The following NAT8L variants were observed in gnomAD, a reference collection of about 807,000 sequenced individuals.
The protein encoded by NAT8L is N-acetylaspartate synthetase.
In NAT8L, 6 loss-of-function variants were observed where a neutral mutation model predicts 21.2. The ratio of observed to expected loss-of-function variants is 0.28; its 90% CI spans 0.16 to 0.56. NAT8L has a LOEUF of 0.56. Among genes scored for constraint, NAT8L ranks in the 20% least tolerant of loss-of-function variants. The probability of loss-of-function intolerance (pLI) is 0.93; values close to 1 mark genes in which losing one functional copy is unlikely to be tolerated. For missense variants in NAT8L, 331 were observed against 433.3 expected, an observed-to-expected ratio of 0.76 and a Z score of 2.10; for synonymous variants, 239 against 204.9, an observed-to-expected ratio of 1.17 and a Z score of -1.42.
Position 2,065,168 on chromosome 4 carries a change from G to C in NAT8L, c.*1041G>C, listed in dbSNP as rs1729972614. 1.3e-5 allele frequency: 2 copies of C among 152,538 alleles called. No individual in the cohort carries two copies. The highest frequency in any genetic ancestry group is 2.9e-5 in the Non-Finnish European group (2 of 68,110). 9.4% of individuals were successfully genotyped at this position (152,538 alleles called of 1,614,324 possible). ...TTTCTGGCCCAGTGTGATGGGGGTG[G>C]GTGGCCGGGTGGGTGGAGCGTTTTG... is the stretch of plus-strand genomic sequence containing the variant. On this transcript the variant is annotated 3_prime_UTR_variant, in exon 3 of 3. Coordinates refer to ENST00000423729, the MANE Select transcript of NAT8L (RefSeq NM_178557.4).
In NAT8L at chr4:2,063,780, G is replaced by A. The variant is rs775990289; in HGVS notation, c.562G>A (p.Val188Met). 101 of 1,611,818 alleles carry A rather than the reference G, an allele frequency of 6.3e-5. No homozygotes were observed. The highest frequency in any genetic ancestry group is 1.1e-4 in the East Asian group (5 of 44,898). ...TGCAGGCTCCTGCTTCTGGGTGGCC[G>A]TGCTGGATGGCAACGTGGTGGGCAT... ...KPPGSCFWVA[V>M]LDGNVVGIVA... is the part of the protein sequence containing the mutation. Residue 188 changes from valine (V) to methionine (M), a missense_variant, in exon 3 of 3, where the codon GTG becomes ATG. Transcript: ENST00000423729.
In NAT8L at chr4:2,059,595, G is replaced by T; in HGVS notation, c.84G>T (p.Lys28Asn). The part of the protein sequence containing the change: ...EDHEALPGAK[K>N]DALLAAAGAM... ...ATGAGGCGCTGCCGGGGGCCAAGAA[G>T]GACGCGCTGCTCGCCGCCGCCGGCG... The change falls in exon 1 of 3, where the codon AAG (lysine) becomes AAT (asparagine). Residue 28 changes from lysine to asparagine, a missense_variant. Coordinates refer to ENST00000423729, the MANE Select transcript of NAT8L (RefSeq NM_178557.4). The surrounding 1 kb of genome is among the most constrained non-coding windows in gnomAD (Gnocchi z 4.8). 7.1e-6 allele frequency: 7 copies of T among 982,458 alleles called. No homozygotes were observed. The highest frequency in any genetic ancestry group is 8.4e-6 in the Non-Finnish European group (7 of 828,914). The allele number at this position is 982,458 out of a possible 1,614,324, so 60.9% of individuals were successfully genotyped here.
Position 2,059,391 on chromosome 4 carries a change from C to CCG in NAT8L, c.-121_-120insCG. ...GCCCCTGAGCTGCCGCCGCCGCCGC[C>CCG]GCCGCTGCCGCCGCCGCCGCCGCCG... is the stretch of plus-strand genomic sequence containing the variant. On this transcript the variant is annotated 5_prime_UTR_variant, in exon 1 of 3. Transcript: ENST00000423729. The surrounding 1 kb of genome is among the most constrained non-coding windows in gnomAD (Gnocchi z 4.8). 1 of 219,930 alleles carries CCG rather than the reference C, an allele frequency of 4.5e-6. No homozygotes were observed. 13.6% of individuals were successfully genotyped at this position (219,930 alleles called of 1,614,324 possible).
At position 2,059,796 on chromosome 4, in the gene NAT8L, C is replaced by A; in HGVS notation, c.285C>A (p.Phe95Leu). 1 of 1,383,042 alleles carries A rather than the reference C, an allele frequency of 7.2e-7. No homozygotes were observed. The highest frequency in any genetic ancestry group is 9.4e-7 in the Non-Finnish European group (1 of 1,058,464). 85.7% of individuals were successfully genotyped at this position (1,383,042 alleles called of 1,614,324 possible). A position where few individuals can be genotyped will look rare whatever the true frequency, so the allele number is the denominator to read the frequency against. The change falls in exon 1 of 3, where the codon TTC becomes TTA. Residue 95 changes from phenylalanine to leucine, a missense_variant. Around this residue, in one of 2 missense-constraint regions of NAT8L, gnomAD observed 199 missense variants for 196.1 expected, o/e 1.01. Transcript: ENST00000423729. The surrounding 1 kb of genome is among the most constrained non-coding windows in gnomAD (Gnocchi z 4.8). Reference protein sequence around the residue: ...AAEQEAARRIFYDGIMERIPN... With the variant: ...AAEQEAARRILYDGIMERIPN... ...AGCAGGAGGCGGCGCGCCGCATCTT[C>A]TACGACGGCATCATGGAGCGCATCC...
intron 2 of NAT8L, 93 bp downstream of exon 2, chr4:2,061,255 C>G: frequency 1.3e-6 from 2 of 1,560,864 alleles, no homozygotes; most frequent in Middle Eastern, 3.8e-4. Flanking sequence ...TGGGCGAGGG[C>G]CGGCGTGGGT....
At chr4:2,062,617 T>TC (rs1000671508) in intron 2 of NAT8L, among the ~76,000 whole-genome samples, 2 of 151,494 alleles carry the variant, frequency 1.3e-5, no homozygotes, top group African/African-American at 4.9e-5. Context: ...GCCCAGTGGC[T>TC]CCCCCCCACG....
Position 2,061,042 on chromosome 4 carries a change from G to C in NAT8L, c.421G>C (p.Val141Leu). The C allele has an allele frequency of 6.3e-7, 1 of 1,589,280 alleles. No homozygotes were observed. ...CCGCTCGCTGCTGCTGACGTGCCTG[G>C]TGCCGGCCGCGCTGCTGGGCCTGCG... is the stretch of plus-strand genomic sequence containing the variant. The part of the protein sequence containing the change: ...VSRSLLLTCL[V>L]PAALLGLRYY... The change falls in exon 2 of 3, where the codon GTG becomes CTG. Residue 141 changes from valine (V) to leucine (L), a missense_variant. This residue lies in a region of NAT8L where 199 missense variants were observed against 196.1 expected (regional missense o/e 1.01). Coordinates refer to ENST00000423729, the MANE Select transcript of NAT8L (RefSeq NM_178557.4).
Position 2,059,520 on chromosome 4 carries a change from TG to T in NAT8L, c.12del (p.Pro5LeufsTer127), listed in dbSNP as rs1267970824. On this transcript the variant is annotated frameshift_variant, in exon 1 of 3. Coordinates refer to ENST00000423729, the MANE Select transcript of NAT8L (RefSeq NM_178557.4). LOFTEE classifies it high-confidence loss of function. The surrounding 1 kb of genome is among the most constrained non-coding windows in gnomAD (Gnocchi z 4.8). ...GCCGCCCGGCCGGGTGCATGCATTG[TG>T]GGCCTCCCGACATGGTCTGCGAGAC... Reference protein sequence around the residue: MHCGPPDMVCETKI... With the variant: MHCXPPDMVCETKI... The T allele has an allele frequency of 3.0e-6, 3 of 996,896 alleles. No homozygotes were observed. The highest frequency in any genetic ancestry group is 4.0e-5 in the South Asian group (1 of 24,752). 61.8% of individuals were successfully genotyped at this position (996,896 alleles called of 1,614,324 possible).
chr4:2,061,213 G>T, intron 2 of NAT8L, 51 bp downstream of exon 2: 1 of 1,605,340 alleles, frequency 6.2e-7, no homozygotes, highest in Non-Finnish European at 8.5e-7. Flanking sequence ...CAGCCCTCGG[G>T]GGCACGCACT....
Position 2,065,611 on chromosome 4 carries a change from C to T in NAT8L, c.*1484C>T, listed in dbSNP as rs978883768. ...GCAGGGTGGGCCACGGAACTGGGTCCCAGGCATCAAGGCCACGTGCAGGGC... is the reference window on the plus strand; with the variant it reads ...GCAGGGTGGGCCACGGAACTGGGTCTCAGGCATCAAGGCCACGTGCAGGGC... On this transcript the variant is annotated 3_prime_UTR_variant, in exon 3 of 3. Transcript: ENST00000423729. 6.6e-6 allele frequency: 1 copy of T among 152,244 alleles called. No homozygotes were observed. The highest frequency in any genetic ancestry group is 2.4e-5 in the African/African-American group (1 of 41,414). 9.4% of individuals were successfully genotyped at this position (152,244 alleles called of 1,614,324 possible). A position where few individuals can be genotyped will look rare whatever the true frequency, so the allele number is the denominator to read the frequency against.
At position 2,059,546 on chromosome 4, in the gene NAT8L, C is replaced by T; in HGVS notation, c.35C>T (p.Thr12Met). Residue 12 changes from threonine to methionine, a missense_variant, in exon 1 of 3, where the codon ACG becomes ATG. Physicochemically the swap from Thr to Met is moderately conservative, Grantham distance 81 (BLOSUM62 -1). Around this residue, in one of 2 missense-constraint regions of NAT8L, gnomAD observed 199 missense variants for 196.1 expected, o/e 1.01. Coordinates refer to ENST00000423729, the MANE Select transcript of NAT8L (RefSeq NM_178557.4). This position sits in a 1 kb window ranked among gnomAD's most constrained non-coding sequence, Gnocchi z 4.8. ...GGGCCTCCCGACATGGTCTGCGAGA[C>T]GAAGATCGTGGCCGCCGAGGACCAT... ...HCGPPDMVCE[T>M]KIVAAEDHEA... 1 of 1,002,388 alleles carries T rather than the reference C, an allele frequency of 1.0e-6. No homozygotes were observed. Among genetic ancestry groups the T allele is most frequent in the Non-Finnish European group, 1.2e-6 (1 of 839,774 alleles). 62.1% of individuals were successfully genotyped at this position (1,002,388 alleles called of 1,614,324 possible). A position where few individuals can be genotyped will look rare whatever the true frequency, so the allele number is the denominator to read the frequency against.
rs1729839019 is a variant in NAT8L at position 2,060,851 on chromosome 4, G to A, written c.377-147G>A. Reference sequence around the variant, plus strand: ...CTTCACCGCAGGAAGCTTGGAAATAGGGAGAAGTAGAAAGCACCCGAGATG... The same window carrying A: ...CTTCACCGCAGGAAGCTTGGAAATAAGGAGAAGTAGAAAGCACCCGAGATG... On this transcript the variant is annotated intron_variant, in intron 1 of 2. Transcript: ENST00000423729. This position sits in a 1 kb window ranked among gnomAD's most constrained non-coding sequence, Gnocchi z 4.7. 2.2e-6 allele frequency: 1 copy of A among 445,626 alleles called. No individual in the cohort carries two copies. 27.6% of individuals were successfully genotyped at this position (445,626 alleles called of 1,614,324 possible). A position where few individuals can be genotyped will look rare whatever the true frequency, so the allele number is the denominator to read the frequency against.
rs1278736113 is a variant in NAT8L, at chr4:2,060,411, C to T, written c.376+524C>T. 6.6e-6 allele frequency among the ~76,000 whole-genome samples: 1 copy of T among 152,182 alleles called. No individual in the cohort carries two copies. Among genetic ancestry groups the T allele is most frequent in the Non-Finnish European group, 1.5e-5 (1 of 68,026 alleles). ...TCCTGCCGGGGTGAGGGGGTTCGCTCCCATTTTACAGATGAGGCGCTTGAG... is the reference window on the plus strand; with the variant it reads ...TCCTGCCGGGGTGAGGGGGTTCGCTTCCATTTTACAGATGAGGCGCTTGAG... On this transcript the variant is annotated intron_variant, in intron 1 of 2. Coordinates refer to ENST00000423729, the MANE Select transcript of NAT8L (RefSeq NM_178557.4). The surrounding 1 kb of genome is among the most constrained non-coding windows in gnomAD (Gnocchi z 4.7).
In NAT8L at chr4:2,060,988, C is replaced by T. The variant is rs1729845775; in HGVS notation, c.377-10C>T. 2 of 1,497,552 alleles carry T rather than the reference C, an allele frequency of 1.3e-6. No homozygotes were observed. The highest frequency in any genetic ancestry group is 2.8e-5 in the African/African-American group (2 of 71,278). 92.8% of individuals were successfully genotyped at this position (1,497,552 alleles called of 1,614,324 possible). On this transcript the variant is annotated splice_polypyrimidine_tract_variant and intron_variant, in intron 1 of 2. Transcript: ENST00000423729. The surrounding 1 kb of genome is among the most constrained non-coding windows in gnomAD (Gnocchi z 4.7). ...CCGCCGCGCCGCTGACCCGCGCCCT[C>T]TGCCCCCAGCGCTGTGCTTCGCCGT... is the stretch of plus-strand genomic sequence containing the variant.
rs1407196965 is a variant in NAT8L at position 2,060,676 on chromosome 4, C to T, written c.377-322C>T. Among the ~76,000 whole-genome samples the T allele has an allele frequency of 2.0e-5, 3 of 151,780 alleles. No individual in the cohort carries two copies. The highest frequency in any genetic ancestry group is 1.3e-4 in the Admixed American group (2 of 15,274). ...CGGGGCCTGGTCTGCGGGGCAGCTC[C>T]CTGCCAGGATCTGCCCACCTTGGCT... On this transcript the variant is annotated intron_variant, in intron 1 of 2. Coordinates refer to ENST00000423729, the MANE Select transcript of NAT8L (RefSeq NM_178557.4). The surrounding 1 kb of genome is among the most constrained non-coding windows in gnomAD (Gnocchi z 4.7).
Position 2,064,419 on chromosome 4 carries a change from G to T in NAT8L, c.*292G>T. 5.7e-6 allele frequency: 1 copy of T among 174,010 alleles called. No individual in the cohort carries two copies. The highest frequency in any genetic ancestry group is 1.5e-4 in the East Asian group (1 of 6,504). The allele number at this position is 174,010 out of a possible 1,614,324, so 10.8% of individuals were successfully genotyped here. ...TTGGACCACCGCGGCTGTCCATGAC[G>T]CTGCCCTGCCCGCCGCCACTGGGGA... On this transcript the variant is annotated 3_prime_UTR_variant, in exon 3 of 3. Transcript: ENST00000423729.
chr4:2,063,626 G>A (rs548343205), intron 2 of NAT8L, 134 bp from the exon 3 acceptor site: 3 of 1,533,764 alleles, frequency 2.0e-6, no homozygotes, highest in South Asian at 1.1e-5. Context: ...GGGCTGCCGG[G>A]ATTGGGTGTC....
intron 2 of NAT8L, among the ~76,000 whole-genome samples, chr4:2,063,104 T>C (rs1304615146): frequency 6.6e-6 from 1 of 152,268 alleles, no homozygotes; most frequent in Non-Finnish European, 1.5e-5. Flanking sequence ...CTTGGCCTAC[T>C]GCCAGGAGAG....
rs889633870 is a variant in NAT8L at position 2,060,615 on chromosome 4, C to G, written c.377-383C>G. On this transcript the variant is annotated intron_variant, in intron 1 of 2. Coordinates refer to ENST00000423729, the MANE Select transcript of NAT8L (RefSeq NM_178557.4). This position sits in a 1 kb window ranked among gnomAD's most constrained non-coding sequence, Gnocchi z 4.7. The stretch of plus-strand genomic sequence containing the variant: ...GAGCCCGAGGCTGGAACGTGGGACA[C>G]CCCCCTTCCTCCTCCCCCCTCCCCC... 1.3e-5 allele frequency among the ~76,000 whole-genome samples: 2 copies of G among 151,790 alleles called. No individual in the cohort carries two copies. Among genetic ancestry groups the G allele is most frequent in the Admixed American group, 6.5e-5 (1 of 15,270 alleles).
Sources: gnomAD v4.1 joint callset for allele counts (sites outside exome capture counted in the v4.1 genomes callset) on GRCh38, gnomAD v4.1.1 for gene constraint, gnomAD v4.1.1 regional missense constraint, Gnocchi (gnomAD v3.1) non-coding constraint, MANE v1.5 for transcripts, NCBI Gene and HGNC (gene_info 2026-07-23, HGNC 2026-07-21) for gene names.